Variants in BRDT observed in about 807,000 individuals in gnomAD.
BRDT encodes bromodomain testis-specific protein.
In BRDT, 77 loss-of-function variants were observed where a neutral mutation model predicts 113.9. That is an observed-to-expected ratio of 0.68 (90% CI 0.56 to 0.82). BRDT has a LOEUF of 0.82. Among genes scored for constraint, BRDT ranks in the 40% least tolerant of loss-of-function variants. The probability of loss-of-function intolerance (pLI) is 0.00; values close to 1 mark genes in which losing one functional copy is unlikely to be tolerated. For missense variants in BRDT, 1,027 were observed against 1,105.4 expected, an observed-to-expected ratio of 0.93 and a Z score of 1.01; for synonymous variants, 358 against 366.5, an observed-to-expected ratio of 0.98 and a Z score of 0.26.
At chr1:92,007,028 A>G (rs1231231515) in intron 18 of BRDT, among the ~76,000 whole-genome samples, 2 of 152,042 alleles carry the variant, frequency 1.3e-5, no homozygotes, top group East Asian at 1.9e-4. Context: ...AGCTCAGGCA[A>G]TCCACCCACC....
intron 15 of BRDT, among the ~76,000 whole-genome samples, chr1:92,000,553 T>C (rs553629048): frequency 2.0e-4 from 30 of 152,306 alleles, no homozygotes; most frequent in African/African-American, 6.7e-4. Flanking sequence ...CTCAGTATGA[T>C]TTAGCCAGAG....
Position 91,968,173 on chromosome 1 carries a change from C to G in BRDT, c.358C>G (p.Gln120Glu), listed in dbSNP as rs890255289. The G allele has an allele frequency of 1.2e-6, 2 of 1,613,956 alleles. No individual in the cohort carries two copies. The highest frequency in any genetic ancestry group is 1.3e-5 in the African/African-American group (1 of 75,024). Residue 120 changes from glutamine to glutamate, a missense_variant, in exon 4 of 19, where the codon CAA becomes GAA. By Grantham distance (29) the Gln-to-Glu change is conservative. Transcript: ENST00000399546. ...KPGDDIVLMA[Q>E]ALEKLFMQKL... ...TGGAGATGACATTGTTCTTATGGCA[C>G]AAGCTCTAGAGAAGCTGTTTATGCA...
intron 4 of BRDT, among the ~76,000 whole-genome samples, chr1:91,972,206 T>C (rs186570812): frequency 6.6e-6 from 1 of 152,280 alleles, no homozygotes; most frequent in East Asian, 1.9e-4. Context: ...CTACTGTGTC[T>C]TTCTTAAAAT....
At chr1:91,984,501 G>C (rs1197838475) in intron 12 of BRDT, among the ~76,000 whole-genome samples, 4 of 152,026 alleles carry the variant, frequency 2.6e-5, no homozygotes, top group Non-Finnish European at 4.4e-5. Context: ...TCAAGCATGG[G>C]CAGAATGAGG....
At chr1:92,012,052 T>C (rs914852372) in intron 18 of BRDT, among the ~76,000 whole-genome samples, 5 of 152,204 alleles carry the variant, frequency 3.3e-5, no homozygotes, top group African/African-American at 9.6e-5. Context: ...CTCACGCCTA[T>C]AATCTTAACA....
intron 4 of BRDT, among the ~76,000 whole-genome samples, chr1:91,970,421 C>T (rs1683510706): frequency 6.6e-6 from 1 of 152,064 alleles, no homozygotes; most frequent in South Asian, 2.1e-4. Flanking sequence ...CATGTACCAC[C>T]ACACCCAGCT....
chr1:91,981,802 T>C, intron 12 of BRDT, 47 bp downstream of exon 12: 1 of 1,517,406 alleles, frequency 6.6e-7, no homozygotes, highest in South Asian at 1.3e-5. Context: ...AGCACTTTTT[T>C]TCCTGTAATA....
At chr1:91,986,822 A>G (rs964547470) in intron 12 of BRDT, among the ~76,000 whole-genome samples, 3 of 152,166 alleles carry the variant, frequency 2.0e-5, no homozygotes, top group African/African-American at 7.2e-5. Flanking sequence ...TTAGAGGAGG[A>G]TGATTTAGTA....
chr1:91,965,931 A>G (rs374943628), intron 3 of BRDT, among the ~76,000 whole-genome samples: 6 of 152,168 alleles, frequency 3.9e-5, no homozygotes, highest in African/African-American at 1.4e-4. Flanking sequence ...CTCTGTCTAA[A>G]AAAGAGATCA....
intron 18 of BRDT, among the ~76,000 whole-genome samples, chr1:92,010,193 T>C (rs1324628429): frequency 1.3e-5 from 2 of 151,484 alleles, no homozygotes; most frequent in African/African-American, 4.8e-5. Context: ...CCCACCTCAC[T>C]CCCTTGTGAG....
chr1:91,973,811 CTA>C (rs1417760588), intron 4 of BRDT, among the ~76,000 whole-genome samples: 3 of 152,116 alleles, frequency 2.0e-5, no homozygotes, highest in African/African-American at 7.2e-5. Flanking sequence ...ACTTCCAACA[CTA>C]TGTTGAATAG....
Position 91,981,013 on chromosome 1 carries a change from A to C in BRDT, c.1585A>C (p.Lys529Gln). 6.2e-7 allele frequency: 1 copy of C among 1,614,130 alleles called. No homozygotes were observed. Among genetic ancestry groups the C allele is most frequent in the African/African-American group, 1.3e-5 (1 of 75,070 alleles). Residue 529 changes from lysine to glutamine, a missense_variant, in exon 10 of 19, where the codon AAA becomes CAA. Physicochemically the swap from Lys to Gln is moderately conservative, Grantham distance 53. Coordinates refer to ENST00000399546, the MANE Select transcript of BRDT (RefSeq NM_207189.4). ...SLNINKLPGD[K>Q]LGRVVHIIQS... Reference sequence around the variant, plus strand: ...GAATATAAACAAACTCCCTGGAGATAAACTTGGGCGAGTAGTTCACATAAT... The same window carrying C: ...GAATATAAACAAACTCCCTGGAGATCAACTTGGGCGAGTAGTTCACATAAT...
At chr1:91,961,586 G>A (rs1682448732) in intron 1 of BRDT, among the ~76,000 whole-genome samples, 1 of 152,012 alleles carries the variant, frequency 6.6e-6, no homozygotes, top group Non-Finnish European at 1.5e-5. Flanking sequence ...CCGAGATCGC[G>A]CCATTGCACT....
chr1:91,974,061 G>C (rs371881125), intron 4 of BRDT, among the ~76,000 whole-genome samples: 2 of 152,242 alleles, frequency 1.3e-5, no homozygotes, highest in Admixed American at 1.3e-4. Flanking sequence ...AATAAATGGT[G>C]CTGGGAAAAC....
chr1:91,978,408 T>TC, intron 7 of BRDT, 112 bp downstream of exon 7: 1 of 1,242,470 alleles, frequency 8.0e-7, no homozygotes, highest in Non-Finnish European at 1.1e-6. Context: ...CTCTAAGTAT[T>TC]AAATGGCAAA....
intron 12 of BRDT, among the ~76,000 whole-genome samples, chr1:91,990,919 T>G (rs1370077667): frequency 6.6e-6 from 1 of 152,192 alleles, no homozygotes; most frequent in Non-Finnish European, 1.5e-5. Context: ...TGCCTCAGCC[T>G]CCTGAGTAGC....
chr1:91,988,874 A>G (rs965538312), intron 12 of BRDT, among the ~76,000 whole-genome samples: 33 of 152,248 alleles, frequency 2.2e-4, no homozygotes, highest in Admixed American at 2.2e-3. Context: ...TTAAAAAGTC[A>G]ATTATGTAAG....
rs375378502 is a variant in BRDT, at chr1:92,002,093, T to G, written c.2332T>G (p.Ser778Ala). The G allele has an allele frequency of 5.0e-5, 81 of 1,613,890 alleles. No individual in the cohort carries two copies. Among genetic ancestry groups the G allele is most frequent in the Middle Eastern group, 4.9e-4 (3 of 6,084 alleles). ...LSNGITVMHP[S>A]GDSDTTMLES... The stretch of plus-strand genomic sequence containing the variant: ...AAATGGCATAACTGTGATGCATCCA[T>G]CTGGTGATAGTGACACAACGATGTT... The change falls in exon 16 of 19, where the codon TCT becomes GCT. Residue 778 changes from serine to alanine, a missense_variant. Coordinates refer to ENST00000399546, the MANE Select transcript of BRDT (RefSeq NM_207189.4).
intron 12 of BRDT, among the ~76,000 whole-genome samples, chr1:91,989,911 G>A (rs992522945): frequency 1.1e-4 from 17 of 152,224 alleles, no homozygotes; most frequent in African/African-American, 3.6e-4. Flanking sequence ...AACACATCCA[G>A]TGGAAACTGA....
Sources: gnomAD v4.1 joint callset for allele counts (sites outside exome capture counted in the v4.1 genomes callset) on GRCh38, gnomAD v4.1.1 for gene constraint, MANE v1.5 for transcripts, NCBI Gene and HGNC (gene_info 2026-07-23, HGNC 2026-07-21) for gene names.